The following LRMDA variants were observed in gnomAD, a reference collection of about 807,000 sequenced individuals.
LRMDA encodes the protein leucine-rich melanocyte differentiation-associated protein.
A neutral mutation model predicts 29.8 loss-of-function variants in LRMDA; 18 were observed. The ratio of observed to expected loss-of-function variants is 0.60; its 90% confidence interval spans 0.42 to 0.90. The LOEUF (loss-of-function observed/expected upper bound fraction) is 0.90, where lower values mean the gene tolerates loss of function less well. LRMDA is among the 40% of genes least tolerant of loss of function. The pLI, the probability that LRMDA is intolerant of heterozygous loss-of-function variation, is 0.00. For missense variants in LRMDA, 273 were observed against 273.9 expected, an observed-to-expected ratio of 1.00 and a Z score of 0.02; for synonymous variants, 125 against 109.4, an observed-to-expected ratio of 1.14 and a Z score of -0.89.
At chr10:75,435,418 G>A (rs1353493185) in intron 1 of LRMDA, among the ~76,000 whole-genome samples, 1 of 152,150 alleles carries the variant, frequency 6.6e-6, no homozygotes, top group African/African-American at 2.4e-5. Flanking sequence ...GCAATGTCTG[G>A]CAGTGGCTGC....
intron 2 of LRMDA, among the ~76,000 whole-genome samples, chr10:75,570,730 GA>G (rs947932380): frequency 5.3e-5 from 8 of 152,158 alleles, no homozygotes; most frequent in Non-Finnish European, 1.0e-4. Context: ...CATGGTAACA[GA>G]TATTTAAAAG....
intron 5 of LRMDA, among the ~76,000 whole-genome samples, chr10:76,269,253 A>C (rs1416729957): frequency 6.6e-6 from 1 of 152,106 alleles, no homozygotes; most frequent in East Asian, 1.9e-4. Context: ...CCTTGGCCCT[A>C]TCCCTGCTTC....
intron 3 of LRMDA, among the ~76,000 whole-genome samples, chr10:76,042,185 T>C (rs974211474): frequency 5.3e-5 from 8 of 152,160 alleles, no homozygotes; most frequent in Non-Finnish European, 1.2e-4. Flanking sequence ...GAAGGACTGG[T>C]CTAGAGCATG....
chr10:76,372,717 A>G (rs10824411), intron 6 of LRMDA, among the ~76,000 whole-genome samples: 2 of 152,140 alleles, frequency 1.3e-5, no homozygotes, highest in East Asian at 1.9e-4. Flanking sequence ...TATGCTATGC[A>G]GAGATGTACT....
chr10:75,943,481 A>G lies in LRMDA; in HGVS notation c.132-92527A>G, dbSNP rs139880686. Among the ~76,000 whole-genome samples, 23 of 152,326 alleles carry G rather than the reference A, an allele frequency of 1.5e-4. 2 individuals are homozygous for G. The highest frequency in any genetic ancestry group is 5.1e-4 in the African/African-American group (21 of 41,572). On this transcript the variant is annotated intron_variant, in intron 2 of 6. Coordinates refer to ENST00000611255, the MANE Select transcript of LRMDA (RefSeq NM_001305581.2). ...TCTAATATCAAAACTCATGCTCTTAACTGCTGTACTTTATTCTTACTTTTA... is the reference window on the plus strand; with the variant it reads ...TCTAATATCAAAACTCATGCTCTTAGCTGCTGTACTTTATTCTTACTTTTA...
At chr10:76,052,236 G>A (rs961302209) in intron 4 of LRMDA, among the ~76,000 whole-genome samples, 3 of 152,190 alleles carry the variant, frequency 2.0e-5, no homozygotes, top group Non-Finnish European at 2.9e-5. Context: ...ATAGACTGCC[G>A]TAAACGGAAG....
chr10:75,876,474 T>A (rs1845200115), intron 2 of LRMDA, among the ~76,000 whole-genome samples: 1 of 151,774 alleles, frequency 6.6e-6, no homozygotes, highest in African/African-American at 2.4e-5. Context: ...GATGCAGGCA[T>A]AAGAAAAAAA....
intron 6 of LRMDA, among the ~76,000 whole-genome samples, chr10:76,392,207 G>A (rs968214869): frequency 1.3e-5 from 2 of 151,902 alleles, no homozygotes; most frequent in Non-Finnish European, 2.9e-5. Context: ...ATATTATCTC[G>A]GTAATCCCAT....
intron 5 of LRMDA, among the ~76,000 whole-genome samples, chr10:76,286,588 C>A (rs1166786565): frequency 6.6e-6 from 1 of 152,160 alleles, no homozygotes; most frequent in African/African-American, 2.4e-5. Context: ...ACTCCCACCC[C>A]TTTGTGCAGA....
intron 3 of LRMDA, among the ~76,000 whole-genome samples, chr10:76,039,885 T>C (rs937457199): frequency 1.3e-5 from 2 of 152,224 alleles, no homozygotes; most frequent in African/African-American, 4.8e-5. Flanking sequence ...CCTAGAGAAT[T>C]GTGTAAACTC....
chr10:75,733,611 G>A (rs867933650), intron 2 of LRMDA, among the ~76,000 whole-genome samples: 1 of 152,154 alleles, frequency 6.6e-6, no homozygotes, highest in Non-Finnish European at 1.5e-5. Context: ...CTGTTATGGA[G>A]GCAGAATGAG....
chr10:75,862,117 AT>A (rs1347573978), intron 2 of LRMDA, among the ~76,000 whole-genome samples: 1 of 151,946 alleles, frequency 6.6e-6, no homozygotes, highest in African/African-American at 2.4e-5. Flanking sequence ...GGCAGGTAAA[AT>A]AGTGGTTGTT....
chr10:75,515,260 G>A (rs1457860802), intron 2 of LRMDA, among the ~76,000 whole-genome samples: 1 of 152,290 alleles, frequency 6.6e-6, no homozygotes, highest in East Asian at 1.9e-4. Flanking sequence ...GTGGGTATGA[G>A]TTTTTCTTTC....
chr10:76,261,231 A>AT (rs552706079), intron 5 of LRMDA, among the ~76,000 whole-genome samples: 47 of 146,334 alleles, frequency 3.2e-4, no homozygotes, highest in East Asian at 1.0e-3. Flanking sequence ...CGCCCGGATA[A>AT]TTTTTTTTTT....
chr10:76,427,975 G>A (rs913955877), intron 6 of LRMDA, among the ~76,000 whole-genome samples: 3 of 152,088 alleles, frequency 2.0e-5, no homozygotes, highest in Non-Finnish European at 2.9e-5. Flanking sequence ...TGGTGGATAC[G>A]CTTTTTGATG....
intron 2 of LRMDA, among the ~76,000 whole-genome samples, chr10:76,006,419 T>C (rs1216777857): frequency 1.3e-5 from 2 of 152,116 alleles, no homozygotes; most frequent in Admixed American, 1.3e-4. Flanking sequence ...GGCTGGCTAG[T>C]GTAGGGGGCT....
At chr10:75,893,932 CAA>C (rs59406150) in intron 2 of LRMDA, among the ~76,000 whole-genome samples, 27 of 128,588 alleles carry the variant, frequency 2.1e-4, no homozygotes, top group South Asian at 4.9e-4. Flanking sequence ...CTCCGTCTCA[CAA>C]AAAAAAAAAA....
intron 6 of LRMDA, among the ~76,000 whole-genome samples, chr10:76,386,755 G>A (rs185003637): frequency 3.9e-5 from 6 of 152,020 alleles, no homozygotes; most frequent in Admixed American, 3.9e-4. Flanking sequence ...TTATATATCT[G>A]TAGCATTATA....
chr10:76,143,967 G>A (rs1850259405), intron 5 of LRMDA, among the ~76,000 whole-genome samples: 1 of 152,248 alleles, frequency 6.6e-6, no homozygotes, highest in South Asian at 2.1e-4. Context: ...CCCATTGCTT[G>A]TTTTTGTCAG....
Sources: allele counts gnomAD v4.1 joint callset (sites outside exome capture counted in the v4.1 genomes callset), GRCh38; gene constraint gnomAD v4.1.1; transcripts MANE v1.5; gene names NCBI Gene and HGNC (gene_info 2026-07-23, HGNC 2026-07-21).